The following PRKCZ variants were observed in gnomAD, a reference collection of about 807,000 sequenced individuals.
The protein encoded by PRKCZ is protein kinase C zeta type.
Under a neutral mutation model 79.5 loss-of-function variants are expected in PRKCZ, and 33 were observed. The ratio of observed to expected loss-of-function variants is 0.41; its 90% confidence interval spans 0.31 to 0.55. The LOEUF (loss-of-function observed/expected upper bound fraction) is 0.55. Ranked by LOEUF, PRKCZ falls within the 20% of genes least tolerant of loss-of-function variation. PRKCZ has a pLI of 0.19. For missense variants in PRKCZ, 578 were observed against 813.5 expected, an observed-to-expected ratio of 0.71 and a Z score of 3.52; for synonymous variants, 342 against 320.9, an observed-to-expected ratio of 1.07 and a Z score of -0.70.
chr1:2,169,103 C>G (rs940434321), intron 10 of PRKCZ: 12 of 455,830 alleles, frequency 2.6e-5, no homozygotes, highest in Admixed American at 4.7e-5. Context: ...GAGGCCACCC[C>G]ACCCGTGACC....
At chr1:2,113,158 C>T (rs369948738) in intron 4 of PRKCZ, among the ~76,000 whole-genome samples, 60 of 152,350 alleles carry the variant, frequency 3.9e-4, no homozygotes, top group African/African-American at 1.4e-3. Context: ...GTCAGGGCCC[C>T]GGGGGATCCC....
rs1685124215 is a variant in PRKCZ at position 2,174,803 on chromosome 1, C to T, written c.1455C>T (p.Ala485=). The change falls in exon 15 of 18, where the codon GCC becomes GCT. Residue 485 remains alanine, a synonymous_variant. Transcript: ENST00000378567. This position sits in a 1 kb window ranked among gnomAD's most constrained non-coding sequence, Gnocchi z 6.2. ...TCCCCCGGTTCCTGTCCGTCAAAGC[C>T]TCCCATGTTTTAAAAGGATTTTTAA... ...IRIPRFLSVK[A]SHVLKGFLNK... 6.2e-7 allele frequency: 1 copy of T among 1,614,036 alleles called. No individual in the cohort carries two copies. Among genetic ancestry groups the T allele is most frequent in the African/African-American group, 1.3e-5 (1 of 74,940 alleles).
chr1:2,148,991 G>T, intron 8 of PRKCZ, 67 bp downstream of exon 8: 2 of 1,520,188 alleles, frequency 1.3e-6, no homozygotes, highest in Non-Finnish European at 1.8e-6. Flanking sequence ...CCTGTCTCTG[G>T]GGTAGTCACG....
At chr1:2,133,393 G>A (rs1386533974) in intron 4 of PRKCZ, among the ~76,000 whole-genome samples, 2 of 146,838 alleles carry the variant, frequency 1.4e-5, no homozygotes, top group African/African-American at 5.1e-5. Flanking sequence ...CTGGCCCTCA[G>A]CTCCACCCCC....
intron 4 of PRKCZ, among the ~76,000 whole-genome samples, chr1:2,086,388 G>A (rs912758821): frequency 6.6e-6 from 1 of 152,108 alleles, no homozygotes; most frequent in African/African-American, 2.4e-5. Flanking sequence ...TTACAGATGT[G>A]AGCCTCCGCA....
rs113180583 is a variant in PRKCZ at position 2,110,663 on chromosome 1, G to C, written c.335-24599G>C. Among the ~76,000 whole-genome samples, 634 of 146,692 alleles carry C rather than the reference G, an allele frequency of 4.3e-3. 7 individuals carry two copies. Among genetic ancestry groups the C allele is most frequent in the African/African-American group, 0.015 (621 of 40,594 alleles). On this transcript the variant is annotated intron_variant, in intron 4 of 17. Transcript: ENST00000378567. Reference sequence around the variant, plus strand: ...ACCCTCACACCATCGCTGGCCCAGGGAATGGGGGTTTGGATCGGCCTTGGT... The same window carrying C: ...ACCCTCACACCATCGCTGGCCCAGGCAATGGGGGTTTGGATCGGCCTTGGT...
chr1:2,115,708 C>T (rs1166701694), intron 4 of PRKCZ, among the ~76,000 whole-genome samples: 2 of 152,160 alleles, frequency 1.3e-5, no homozygotes, highest in Non-Finnish European at 2.9e-5. Context: ...GCTCCCGGAA[C>T]TCAGGAAAAC....
rs918298842 is a variant in PRKCZ at position 2,172,705 on chromosome 1, C to T, written c.1285+317C>T. On this transcript the variant is annotated intron_variant, in intron 13 of 17. Transcript: ENST00000378567. This position sits in a 1 kb window ranked among gnomAD's most constrained non-coding sequence, Gnocchi z 7.8. Reference sequence around the variant, plus strand: ...GCAGCACCTGAGTCCCCGTGCTGCACGAGTGGCTGGGGGAGAAGCTGTTGT... The same window carrying T: ...GCAGCACCTGAGTCCCCGTGCTGCATGAGTGGCTGGGGGAGAAGCTGTTGT... Among the ~76,000 whole-genome samples, 2 of 152,010 alleles carry T rather than the reference C, an allele frequency of 1.3e-5. No individual in the cohort carries two copies. The highest frequency in any genetic ancestry group is 1.5e-5 in the Non-Finnish European group (1 of 67,984).
chr1:2,175,303 A>G lies in PRKCZ; in HGVS notation c.1565A>G (p.Asp522Gly). ...TCCCACGCGTTCTTCCGCAGCATAG[A>G]CTGGGACTTGGTAAAGCATCACAAA... is the stretch of plus-strand genomic sequence containing the variant. ...IKSHAFFRSI[D>G]WDLLEKKQAL... The change falls in exon 16 of 18, where the codon GAC becomes GGC. Residue 522 changes from aspartate to glycine, a missense_variant. Around this residue, in one of 4 missense-constraint regions of PRKCZ, gnomAD observed 243 missense variants for 467.0 expected, o/e 0.52. Coordinates refer to ENST00000378567, the MANE Select transcript of PRKCZ (RefSeq NM_002744.6). The G allele has an allele frequency of 6.2e-7, 1 of 1,613,044 alleles. No homozygotes were observed. The highest frequency in any genetic ancestry group is 8.5e-7 in the Non-Finnish European group (1 of 1,179,346).
chr1:2,133,398 A>AC (rs1675405743), intron 4 of PRKCZ, among the ~76,000 whole-genome samples: 4 of 74,538 alleles, frequency 5.4e-5, no homozygotes, highest in Non-Finnish European at 8.1e-5. Context: ...CCTCAGCTCC[A>AC]CCCCCAGCTG....
Position 2,104,768 on chromosome 1 carries a change from C to T in PRKCZ, c.335-30494C>T, listed in dbSNP as rs74046923. ...GGACGCAGCGGGCTGGCCTGCGGGG[C>T]TCACTGCTGCCCCCCGGGGCCGAGC... On this transcript the variant is annotated intron_variant, in intron 4 of 17. Transcript: ENST00000378567. 1,902 of 985,844 alleles carry T rather than the reference C, an allele frequency of 1.9e-3. 24 individuals carry two copies. The African/African-American group carries it at 0.031, about 16-fold the overall frequency. The allele number at this position is 985,844 out of a possible 1,614,324, so 61.1% of individuals were successfully genotyped here. A position where few individuals can be genotyped will look rare whatever the true frequency, so the allele number is the denominator to read the frequency against.
intron 16 of PRKCZ, chr1:2,181,982 C>T (rs1281492356): frequency 4.9e-6 from 2 of 404,224 alleles, no homozygotes; most frequent in Non-Finnish European, 1.0e-5. Flanking sequence ...ACCGTCTCCT[C>T]CACCCAGTGG....
chr1:2,159,035 C>G (rs573679842), intron 10 of PRKCZ, among the ~76,000 whole-genome samples: 2 of 152,126 alleles, frequency 1.3e-5, no homozygotes, highest in Non-Finnish European at 2.9e-5. Context: ...ACGCCATTCT[C>G]CTGCCTCAGC....
intron 2 of PRKCZ, 133 bp from the exon 3 acceptor site, chr1:2,056,351 C>G (rs953285651): frequency 3.8e-6 from 3 of 782,708 alleles, no homozygotes; most frequent in Non-Finnish European, 6.0e-6. Flanking sequence ...CCGACCCTGC[C>G]AGGAGGTGGC....
chr1:2,164,368 A>G (rs1303097762), intron 10 of PRKCZ, among the ~76,000 whole-genome samples: 1 of 152,204 alleles, frequency 6.6e-6, no homozygotes, highest in African/African-American at 2.4e-5. Flanking sequence ...TGATGGACTT[A>G]AAGCAAGCAG....
chr1:2,053,391 G>A lies in PRKCZ; in HGVS notation c.72-2050G>A, dbSNP rs775015243. Among the ~76,000 whole-genome samples, 76 of 152,200 alleles carry A rather than the reference G, an allele frequency of 5.0e-4. 1 individual carries two copies. The highest frequency in any genetic ancestry group is 1.0e-3 in the Non-Finnish European group (69 of 68,034). Reference sequence around the variant, plus strand: ...TGGGATGAAAGGCGTGAGTCACCGCGCCTGGCCCAGCTCAGACAACGTTTG... The same window carrying A: ...TGGGATGAAAGGCGTGAGTCACCGCACCTGGCCCAGCTCAGACAACGTTTG... On this transcript the variant is annotated intron_variant, in intron 1 of 17. Transcript: ENST00000378567.
At chr1:2,155,374 CAGT>C (rs1408476085) in intron 9 of PRKCZ, among the ~76,000 whole-genome samples, 4 of 148,424 alleles carry the variant, frequency 2.7e-5, no homozygotes, top group Non-Finnish European at 6.0e-5. Flanking sequence ...ATGGTGATGA[CAGT>C]GGTGATGATG....
At chr1:2,062,526 C>T (rs1014783128) in intron 4 of PRKCZ, among the ~76,000 whole-genome samples, 3 of 114,004 alleles carry the variant, frequency 2.6e-5, no homozygotes, top group Admixed American at 1.0e-4. Context: ...GAGTTTTGTT[C>T]TGTCACCCAG....
rs1361125476 is a variant in PRKCZ at position 2,082,722 on chromosome 1, A to G, written c.334+23131A>G. On this transcript the variant is annotated intron_variant, in intron 4 of 17. Transcript: ENST00000378567. This position sits in a 1 kb window ranked among gnomAD's most constrained non-coding sequence, Gnocchi z 4.4. Reference sequence around the variant, plus strand: ...AACCCTCCCCTGGAGATGGGATGTCAGGAGACCTGGTTCCATTTGTTTTTT... The same window carrying G: ...AACCCTCCCCTGGAGATGGGATGTCGGGAGACCTGGTTCCATTTGTTTTTT... 1.3e-5 allele frequency among the ~76,000 whole-genome samples: 2 copies of G among 149,764 alleles called. No homozygotes were observed. Among genetic ancestry groups the G allele is most frequent in the Non-Finnish European group, 3.0e-5 (2 of 67,464 alleles).
Sources: allele counts gnomAD v4.1 joint callset (sites outside exome capture counted in the v4.1 genomes callset), GRCh38; gene constraint gnomAD v4.1.1; regional missense constraint gnomAD v4.1.1; non-coding constraint Gnocchi (gnomAD v3.1); transcripts MANE v1.5; gene names NCBI Gene and HGNC (gene_info 2026-07-23, HGNC 2026-07-21).